TBC1D13: variants seen among roughly 807,000 people sequenced by gnomAD.
TBC1D13 encodes epididymis secretory sperm binding protein.
In TBC1D13, 40 loss-of-function variants were observed where a neutral mutation model predicts 53.6. The observed-to-expected ratio is 0.75, with a 90% confidence interval of 0.58 to 0.97. TBC1D13 has a LOEUF of 0.97. TBC1D13 is among the 50% of genes least tolerant of loss of function. The pLI, the probability that TBC1D13 is intolerant of heterozygous loss-of-function variation, is 0.00. For synonymous variants in TBC1D13, 182 were observed against 197.7 expected, an observed-to-expected ratio of 0.92 and a Z score of 0.67; for missense variants, 377 against 499.4, an observed-to-expected ratio of 0.75 and a Z score of 2.34.
At chr9:128,788,226 G>A in intron 1 of TBC1D13, 108 bp from the exon 2 acceptor site, 1 of 915,438 alleles carries the variant, frequency 1.1e-6, no homozygotes, top group Non-Finnish European at 1.8e-6. Context: ...TGTCCTAAAG[G>A]GGAGAGAGGC....
In TBC1D13 at chr9:128,808,408, C is replaced by CGT. The variant is rs3138859; in HGVS notation, c.*576_*577dup. 0.25 allele frequency: 30,828 copies of CGT among 121,542 alleles called. 4,855 individuals carry two copies. Among genetic ancestry groups the CGT allele is most frequent in the Non-Finnish European group, 0.31 (19,576 of 62,458 alleles). The allele number at this position is 121,542 out of a possible 1,614,324, so 7.5% of individuals were successfully genotyped here. A position where few individuals can be genotyped will look rare whatever the true frequency, so the allele number is the denominator to read the frequency against. Reference sequence around the variant, plus strand: ...GGCCCAAGTCCCCAGGCATCTTCTCCGTGTGTGTGTGTGTGTGTGTGTGTG... The same window carrying CGT: ...GGCCCAAGTCCCCAGGCATCTTCTCCGTGTGTGTGTGTGTGTGTGTGTGTGTG... On this transcript the variant is annotated 3_prime_UTR_variant, in exon 12 of 12. Transcript: ENST00000372648.
In TBC1D13 at chr9:128,805,843, C is replaced by A. The variant is rs201755030; in HGVS notation, c.919-16C>A. 2.0e-4 allele frequency: 330 copies of A among 1,611,322 alleles called. 2 individuals carry two copies. The highest frequency in any genetic ancestry group is 1.3e-3 in the South Asian group (116 of 90,882). On this transcript the variant is annotated splice_polypyrimidine_tract_variant and intron_variant, in intron 9 of 11. Transcript: ENST00000372648. ...ACACAGAGTCATGCCCCCCACCCCC[C>A]ACGCTGTCTCCCCAGCAAGAGCAGA... is the stretch of plus-strand genomic sequence containing the variant.
rs775838223 is a variant in TBC1D13 at position 128,791,705 on chromosome 9, T to C, written c.300+12T>C. 1.2e-6 allele frequency: 2 copies of C among 1,611,916 alleles called. No individual in the cohort carries two copies. The highest frequency in any genetic ancestry group is 2.2e-5 in the South Asian group (2 of 91,004). ...CTTTTGAGGACCATGTGAGTAGAGGTTGACAGCGGAGACCCAGGATACAGA... is the reference window on the plus strand; with the variant it reads ...CTTTTGAGGACCATGTGAGTAGAGGCTGACAGCGGAGACCCAGGATACAGA... On this transcript the variant is annotated intron_variant, in intron 5 of 11. Coordinates refer to ENST00000372648, the MANE Select transcript of TBC1D13 (RefSeq NM_018201.5).
At chr9:128,802,471 C>T (rs10819442) in intron 7 of TBC1D13, among the ~76,000 whole-genome samples, 1 of 152,062 alleles carries the variant, frequency 6.6e-6, no homozygotes, top group African/African-American at 2.4e-5. Context: ...AGATACAGAA[C>T]ATGTCCACAT....
chr9:128,798,796 G>A (rs1455200122), intron 7 of TBC1D13, among the ~76,000 whole-genome samples: 1 of 152,180 alleles, frequency 6.6e-6, no homozygotes, highest in African/African-American at 2.4e-5. Flanking sequence ...ACCCTTTTCT[G>A]TAGCCTCCAA....
chr9:128,807,070 C>T (rs1193530174), intron 11 of TBC1D13, among the ~76,000 whole-genome samples: 1 of 150,920 alleles, frequency 6.6e-6, no homozygotes, highest in Non-Finnish European at 1.5e-5. Flanking sequence ...CAGCACGTGG[C>T]CTTAGTGTTG....
chr9:128,790,787 TG>T lies in TBC1D13; in HGVS notation c.138+16del. 6.4e-7 allele frequency: 1 copy of T among 1,558,758 alleles called. No homozygotes were observed. Among genetic ancestry groups the T allele is most frequent in the Non-Finnish European group, 8.6e-7 (1 of 1,161,424 alleles). ...GCCTCTGCTGGAAGGTGGGTGTGCCTGGGGTGGGGCTTCTGCTCTGCTGAGA... is the reference window on the plus strand; with the variant it reads ...GCCTCTGCTGGAAGGTGGGTGTGCCTGGGTGGGGCTTCTGCTCTGCTGAGA... On this transcript the variant is annotated intron_variant, in intron 3 of 11. Transcript: ENST00000372648.
At chr9:128,800,191 G>A (rs1166652641) in intron 7 of TBC1D13, among the ~76,000 whole-genome samples, 1 of 152,056 alleles carries the variant, frequency 6.6e-6, no homozygotes, top group Non-Finnish European at 1.5e-5. Flanking sequence ...TCACTGCCTG[G>A]GTTCTCGCAT....
chr9:128,803,214 T>C (rs1564426270), intron 7 of TBC1D13, 36 bp from the exon 8 acceptor site: 1 of 1,593,242 alleles, frequency 6.3e-7, no homozygotes, highest in East Asian at 2.2e-5. Context: ...ACCCCAGCAT[T>C]GTCTTTCTTG....
At chr9:128,804,168 T>G (rs778646916) in intron 9 of TBC1D13, 49 bp downstream of exon 9, 2 of 1,594,610 alleles carry the variant, frequency 1.3e-6, no homozygotes, top group Non-Finnish European at 1.7e-6. Context: ...AGGCAGAGAG[T>G]TGCTGTGCCA....
At chr9:128,797,297 T>C (rs1829649627) in intron 7 of TBC1D13, 83 bp downstream of exon 7, 2 of 1,448,468 alleles carry the variant, frequency 1.4e-6, no homozygotes, top group Admixed American at 3.7e-5. Context: ...CCACAAGGTG[T>C]CGGGCCATGA....
chr9:128,802,730 A>G (rs1360299144), intron 7 of TBC1D13, among the ~76,000 whole-genome samples: 1 of 136,604 alleles, frequency 7.3e-6, no homozygotes, highest in African/African-American at 3.0e-5. Flanking sequence ...CCTCCTTCAC[A>G]TTGTCCATTT....
At position 128,791,408 on chromosome 9, in the gene TBC1D13, G is replaced by C. The variant is rs935679771; in HGVS notation, c.167G>C (p.Arg56Thr). 14 of 1,614,050 alleles carry C rather than the reference G, an allele frequency of 8.7e-6. No individual in the cohort carries two copies. The highest frequency in any genetic ancestry group is 1.1e-5 in the Non-Finnish European group (13 of 1,180,042). Residue 56 changes from arginine to threonine, a missense_variant, in exon 4 of 12, where the codon AGA becomes ACA. Coordinates refer to ENST00000372648, the MANE Select transcript of TBC1D13 (RefSeq NM_018201.5). ...CTCTTGAACTACCTTCCCTTGGAGA[G>C]AGCCTCATGGACCTCCATCCTGGCC... ...KILLNYLPLE[R>T]ASWTSILAKQ...
rs1484632859 is a variant in TBC1D13 at position 128,808,020 on chromosome 9, G to A, written c.*141G>A. Reference sequence around the variant, plus strand: ...CGAGACCCAGGCCATGCCCACTGGGGACACACTGTGCCGTGCTCCTTCTGC... The same window carrying A: ...CGAGACCCAGGCCATGCCCACTGGGAACACACTGTGCCGTGCTCCTTCTGC... On this transcript the variant is annotated 3_prime_UTR_variant, in exon 12 of 12. Transcript: ENST00000372648. 2.7e-6 allele frequency: 2 copies of A among 750,954 alleles called. No homozygotes were observed. The highest frequency in any genetic ancestry group is 3.5e-5 in the African/African-American group (2 of 57,788). The allele number at this position is 750,954 out of a possible 1,614,324, so 46.5% of individuals were successfully genotyped here.
intron 7 of TBC1D13, among the ~76,000 whole-genome samples, chr9:128,797,906 A>G (rs908841657): frequency 6.6e-6 from 1 of 152,264 alleles, no homozygotes; most frequent in Non-Finnish European, 1.5e-5. Flanking sequence ...CCAGCAGTTC[A>G]AGACCAGCCT....
intron 2 of TBC1D13, 127 bp downstream of exon 2, chr9:128,788,534 C>T: frequency 1.3e-6 from 1 of 766,326 alleles, no homozygotes; most frequent in Non-Finnish European, 2.2e-6. Flanking sequence ...AAGGAAATTA[C>T]ACACAGACTC....
chr9:128,792,434 A>G, intron 5 of TBC1D13, 58 bp from the exon 6 acceptor site: 1 of 1,527,374 alleles, frequency 6.5e-7, no homozygotes, highest in Non-Finnish European at 9.1e-7. Flanking sequence ...TCCGGGATAG[A>G]ATCGGGCCCC....
Position 128,809,140 on chromosome 9 carries a change from T to G in TBC1D13, c.*1261T>G, listed in dbSNP as rs1277163321. 6.6e-6 allele frequency: 1 copy of G among 152,358 alleles called. No homozygotes were observed. Among genetic ancestry groups the G allele is most frequent in the Admixed American group, 6.5e-5 (1 of 15,278 alleles). The allele number at this position is 152,358 out of a possible 1,614,324, so 9.4% of individuals were successfully genotyped here. A position where few individuals can be genotyped will look rare whatever the true frequency, so the allele number is the denominator to read the frequency against. On this transcript the variant is annotated 3_prime_UTR_variant, in exon 12 of 12. Transcript: ENST00000372648. ...AGCTGAGCTTAAAGGCCCTGGGTCCTGCCAGTTCCAGGAGGGCCATGTCTG... is the reference window on the plus strand; with the variant it reads ...AGCTGAGCTTAAAGGCCCTGGGTCCGGCCAGTTCCAGGAGGGCCATGTCTG...
At chr9:128,800,430 G>C (rs113570004) in intron 7 of TBC1D13, among the ~76,000 whole-genome samples, 56 of 147,002 alleles carry the variant, frequency 3.8e-4, no homozygotes, top group African/African-American at 1.5e-3. Context: ...GAGTGCAGTG[G>C]CACAATCTTG....
Sources: allele counts gnomAD v4.1 joint callset (sites outside exome capture counted in the v4.1 genomes callset), GRCh38; gene constraint gnomAD v4.1.1; transcripts MANE v1.5; gene names NCBI Gene and HGNC (gene_info 2026-07-23, HGNC 2026-07-21).